The following SETBP1 variants were observed in gnomAD, a reference collection of about 807,000 sequenced individuals.
The protein encoded by SETBP1 is SET binding protein 1.
In SETBP1, 9 loss-of-function variants were observed where a neutral mutation model predicts 101.0. The ratio of observed to expected loss-of-function variants is 0.09; its 90% CI spans 0.05 to 0.16. The LOEUF is 0.16. Among genes scored for constraint, SETBP1 ranks in the 10% least tolerant of loss-of-function variants. The probability of loss-of-function intolerance (pLI) is 1.00; values close to 1 mark genes in which losing one functional copy is unlikely to be tolerated. For synonymous variants in SETBP1, 818 were observed against 788.5 expected, an observed-to-expected ratio of 1.04 and a Z score of -0.63; for missense variants, 1,858 against 2,033.8, an observed-to-expected ratio of 0.91 and a Z score of 1.66.
intron 3 of SETBP1, among the ~76,000 whole-genome samples, chr18:44,924,759 C>T (rs2070660402): frequency 6.6e-6 from 1 of 152,104 alleles, no homozygotes; most frequent in Non-Finnish European, 1.5e-5. Flanking sequence ...CAAATAGACT[C>T]CCAAACCAAA....
rs1228368107 is a variant in SETBP1, at chr18:44,950,818, G to T, written c.1478G>T (p.Gly493Val). 4 of 1,614,102 alleles carry T rather than the reference G, an allele frequency of 2.5e-6. No individual in the cohort carries two copies. Among genetic ancestry groups the T allele is most frequent in the Non-Finnish European group, 2.5e-6 (3 of 1,180,010 alleles). The stretch of plus-strand genomic sequence containing the variant: ...AATGCTGAGAAAGTTATCCCAGGAG[G>T]TGTGTCTAAGCCGCGGAAGCCACCC... ...GGNAEKVIPG[G>V]VSKPRKPPMV... The change falls in exon 4 of 6, where the codon GGT (glycine) becomes GTT (valine). Residue 493 changes from glycine (G) to valine (V), a missense_variant. By Grantham distance (109) the Gly-to-Val change is moderately radical (BLOSUM62 -3). Around this residue, in one of 12 missense-constraint regions of SETBP1, gnomAD observed 581 missense variants for 535.1 expected, o/e 1.09. Coordinates refer to ENST00000649279, the MANE Select transcript of SETBP1 (RefSeq NM_015559.3).
At chr18:45,038,772 G>T (rs180994765) in intron 5 of SETBP1, 117 bp downstream of exon 5, 1 of 1,070,506 alleles carries the variant, frequency 9.3e-7, no homozygotes, top group South Asian at 1.4e-5. Flanking sequence ...TCCTCCCCTA[G>T]ACTCTGAACA....
In SETBP1 at chr18:44,920,744, G is replaced by A. The variant is rs528690305; in HGVS notation, c.541-29137G>A. Among the ~76,000 whole-genome samples the A allele has an allele frequency of 1.3e-4, 20 of 152,240 alleles. No individual in the cohort carries two copies. The South Asian group carries it at 4.2e-3, about 32-fold the overall frequency. On this transcript the variant is annotated intron_variant, in intron 3 of 5. Transcript: ENST00000649279. ...TGAGTTAGAGCCCTCAAGAACAACA[G>A]CTACTTACTGGGAGTCTATGGAAAG... is the stretch of plus-strand genomic sequence containing the variant.
chr18:44,824,542 T>G (rs931661380), intron 2 of SETBP1, among the ~76,000 whole-genome samples: 1 of 152,190 alleles, frequency 6.6e-6, no homozygotes, highest in Non-Finnish European at 1.5e-5. Context: ...CAAAGGTATT[T>G]GCTGATGGAT....
In SETBP1 at chr18:45,063,948, C is replaced by CGCGG. The variant is rs1260234803; in HGVS notation, c.*251_*252insCGGG. On this transcript the variant is annotated 3_prime_UTR_variant, in exon 6 of 6. Transcript: ENST00000649279. ...GCTCCCACCACGCGGCGCTTCAGTA[C>CGCGG]GGCTGGATCCTCCGCAGGCGAGCGG... The CGCGG allele has an allele frequency of 2.1e-5, 9 of 429,944 alleles. No homozygotes were observed. In the Admixed American group the frequency reaches 3.0e-4, roughly 14 times the overall value. The allele number at this position is 429,944 out of a possible 1,614,324, so 26.6% of individuals were successfully genotyped here.
chr18:44,822,413 T>G (rs986503306), intron 2 of SETBP1, among the ~76,000 whole-genome samples: 2 of 152,200 alleles, frequency 1.3e-5, no homozygotes, highest in African/African-American at 4.8e-5. Context: ...TAAATTTGCC[T>G]TCTAAAATTA....
chr18:44,861,405 A>ATTTTTTT (rs202062728), intron 2 of SETBP1, among the ~76,000 whole-genome samples: 1 of 148,038 alleles, frequency 6.8e-6, no homozygotes, highest in Non-Finnish European at 1.5e-5. Context: ...TGCCCAGCTA[A>ATTTTTTT]TTTTTTTTTT....
intron 5 of SETBP1, among the ~76,000 whole-genome samples, chr18:45,045,629 T>C (rs2073596847): frequency 6.6e-6 from 1 of 152,150 alleles, no homozygotes; most frequent in South Asian, 2.1e-4. Context: ...TCTGGTTGAA[T>C]GCATGTGTTC....
chr18:44,773,838 A>ATGTGTGTGTGTGTATGTG lies in SETBP1; in HGVS notation c.486+72019_486+72020insATGTGTGTGTGTGTGTGT, dbSNP rs1555679378. ...TCTCTCTCTCTGTCTCTCTCTGTTT[A>ATGTGTGTGTGTGTATGTG]TGTGTGTGTGTGTGTGTGTGTGTGT... On this transcript the variant is annotated intron_variant, in intron 2 of 5. Coordinates refer to ENST00000649279, the MANE Select transcript of SETBP1 (RefSeq NM_015559.3). 2.2e-5 allele frequency among the ~76,000 whole-genome samples: 3 copies of ATGTGTGTGTGTGTATGTG among 134,174 alleles called. No individual in the cohort carries two copies. The East Asian group carries it at 6.7e-4, about 30-fold the overall frequency. The allele number at this position is 134,174 out of a possible 152,430, so 88.0% of individuals were successfully genotyped here. A position where few individuals can be genotyped will look rare whatever the true frequency, so the allele number is the denominator to read the frequency against.
chr18:45,018,866 G>A lies in SETBP1; in HGVS notation c.4001-19619G>A, dbSNP rs79781723. Among the ~76,000 whole-genome samples the A allele has an allele frequency of 8.8e-3, 1,335 of 152,310 alleles. 7 individuals carry two copies. The highest frequency in any genetic ancestry group is 0.014 in the Non-Finnish European group (956 of 68,028). ...AGGCTCATGCTCCCTGCAAGGTCAC[G>A]GATGTGGAAGTTCTGAGTAAGGGAG... is the stretch of plus-strand genomic sequence containing the variant. On this transcript the variant is annotated intron_variant, in intron 4 of 5. Coordinates refer to ENST00000649279, the MANE Select transcript of SETBP1 (RefSeq NM_015559.3).
intron 2 of SETBP1, among the ~76,000 whole-genome samples, chr18:44,845,761 C>T (rs2072712103): frequency 6.6e-6 from 1 of 152,192 alleles, no homozygotes; most frequent in South Asian, 2.1e-4. Context: ...TCTAAATTCT[C>T]CAGGGAGACC....
chr18:44,838,148 C>G (rs776601827), intron 2 of SETBP1, among the ~76,000 whole-genome samples: 40 of 152,212 alleles, frequency 2.6e-4, no homozygotes, highest in Non-Finnish European at 5.0e-4. Flanking sequence ...TTTGCTTCCT[C>G]AGTCACTTCT....
Position 44,701,782 on chromosome 18 carries a change from A to C in SETBP1, c.436A>C (p.Lys146Gln). The part of the protein sequence containing the change: ...SGDQKVSRAG[K>Q]NSKATKEEER... The stretch of plus-strand genomic sequence containing the variant: ...GGACCAGAAGGTGTCCCGTGCTGGA[A>C]AAAATAGCAAAGCCACGAAGGAGGA... The change falls in exon 2 of 6, where the codon AAA (lysine) becomes CAA (glutamine). Residue 146 changes from lysine to glutamine, a missense_variant. Physicochemically the swap from Lys to Gln is moderately conservative, Grantham distance 53 (BLOSUM62 1). This residue lies in a region of SETBP1 where 581 missense variants were observed against 535.1 expected (regional missense o/e 1.09). Coordinates refer to ENST00000649279, the MANE Select transcript of SETBP1 (RefSeq NM_015559.3). 6.2e-7 allele frequency: 1 copy of C among 1,614,158 alleles called. No homozygotes were observed. The highest frequency in any genetic ancestry group is 2.2e-5 in the East Asian group (1 of 44,886).
chr18:44,746,959 A>C (rs1161759701), intron 2 of SETBP1, among the ~76,000 whole-genome samples: 1 of 152,216 alleles, frequency 6.6e-6, no homozygotes, highest in Admixed American at 6.5e-5. Context: ...ACGGCACCTA[A>C]GTTATATTGA....
intron 2 of SETBP1, among the ~76,000 whole-genome samples, chr18:44,804,089 C>A (rs1020957909): frequency 2.0e-5 from 3 of 151,928 alleles, no homozygotes; most frequent in Non-Finnish European, 2.9e-5. Flanking sequence ...AAACCAGTTG[C>A]CCAAATACAC....
chr18:44,858,665 C>T (rs1209100798), intron 2 of SETBP1, among the ~76,000 whole-genome samples: 3 of 152,116 alleles, frequency 2.0e-5, no homozygotes, highest in African/African-American at 4.8e-5. Context: ...TAGTTGTCTT[C>T]CTTGAAGGCC....
chr18:44,824,226 T>A (rs1237233929), intron 2 of SETBP1, among the ~76,000 whole-genome samples: 3 of 152,132 alleles, frequency 2.0e-5, no homozygotes, highest in African/African-American at 7.2e-5. Flanking sequence ...TCTGCAAAGT[T>A]CAACCATCCT....
At chr18:45,053,137 A>AG (rs936781216) in intron 5 of SETBP1, among the ~76,000 whole-genome samples, 1 of 152,168 alleles carries the variant, frequency 6.6e-6, no homozygotes, top group Admixed American at 6.5e-5. Flanking sequence ...GGGGAAAAAA[A>AG]AAATGCAGTT....
chr18:45,022,628 G>A (rs1183610559), intron 4 of SETBP1, among the ~76,000 whole-genome samples: 3 of 152,128 alleles, frequency 2.0e-5, no homozygotes, highest in South Asian at 2.1e-4. Flanking sequence ...TCAGGGGTTC[G>A]AGACCAGCCT....
Sources: allele counts gnomAD v4.1 joint callset (sites outside exome capture counted in the v4.1 genomes callset), GRCh38; gene constraint gnomAD v4.1.1; regional missense constraint gnomAD v4.1.1; transcripts MANE v1.5; gene names NCBI Gene and HGNC (gene_info 2026-07-23, HGNC 2026-07-21).